PRKN: variants seen among roughly 807,000 people sequenced by gnomAD.
PRKN encodes E3 ubiquitin-protein ligase parkin.
In PRKN, 56 loss-of-function variants were observed where a neutral mutation model predicts 59.5. That is an observed-to-expected ratio of 0.94 (90% CI 0.76 to 1.18). The LOEUF (loss-of-function observed/expected upper bound fraction) is 1.18. Ranked by LOEUF, PRKN falls within the 50% of genes most tolerant of loss-of-function variation. The pLI is 0.00. For missense variants in PRKN, 657 were observed against 596.4 expected (o/e 1.10, Z -1.06); for synonymous variants, 250 against 222.1 (o/e 1.13, Z -1.12).
chr6:161,674,536 A>C (rs2128170127), intron 7 of PRKN, among the ~76,000 whole-genome samples: 1 of 152,286 alleles, frequency 6.6e-6, no homozygotes, highest in East Asian at 1.9e-4. Flanking sequence ...TACAATTGAC[A>C]GCATCTTAGA....
At chr6:162,566,457 C>T (rs1349713890) in intron 1 of PRKN, among the ~76,000 whole-genome samples, 1 of 151,978 alleles carries the variant, frequency 6.6e-6, no homozygotes. Context: ...AACATTGCAA[C>T]TGATACTGCA....
chr6:162,362,336 G>C (rs1477519336), intron 2 of PRKN, among the ~76,000 whole-genome samples: 1 of 152,026 alleles, frequency 6.6e-6, no homozygotes, highest in Non-Finnish European at 1.5e-5. Flanking sequence ...TTAGAATTTA[G>C]CTATTTGGAA....
intron 9 of PRKN, among the ~76,000 whole-genome samples, chr6:161,542,853 T>C (rs1319480539): frequency 6.6e-6 from 1 of 152,132 alleles, no homozygotes; most frequent in Non-Finnish European, 1.5e-5. Context: ...GATGTCTCCC[T>C]GAAAACATCA....
chr6:161,510,456 T>G (rs1187147957), intron 9 of PRKN, among the ~76,000 whole-genome samples: 2 of 152,180 alleles, frequency 1.3e-5, no homozygotes, highest in Admixed American at 6.5e-5. Context: ...CACATCAAGT[T>G]GTTGTTTCCA....
At chr6:162,586,954 A>G (rs1781085686) in intron 1 of PRKN, among the ~76,000 whole-genome samples, 1 of 152,212 alleles carries the variant, frequency 6.6e-6, no homozygotes, top group Non-Finnish European at 1.5e-5. Context: ...CAATGCAGGC[A>G]TCAGTGCTCT....
At chr6:162,331,343 C>T (rs1322539845) in intron 2 of PRKN, among the ~76,000 whole-genome samples, 3 of 152,138 alleles carry the variant, frequency 2.0e-5, no homozygotes, top group African/African-American at 7.2e-5. Flanking sequence ...CAATCCTAAA[C>T]AGTGGGTTTA....
chr6:162,388,019 A>C (rs574030799), intron 2 of PRKN, among the ~76,000 whole-genome samples: 1 of 152,314 alleles, frequency 6.6e-6, no homozygotes, highest in African/African-American at 2.4e-5. Flanking sequence ...AGAGCCAACA[A>C]CACAAAAATA....
In PRKN at chr6:161,359,318, C is replaced by A. The variant is rs1273680728; in HGVS notation, c.1285+770G>T. Among the ~76,000 whole-genome samples the A allele has an allele frequency of 6.6e-6, 1 of 152,226 alleles. No individual in the cohort carries two copies. Among genetic ancestry groups the A allele is most frequent in the Non-Finnish European group, 1.5e-5 (1 of 68,040 alleles). ...AATGAAAACTTCCTGAAGGACATAA[C>A]TGAAAAGAGAGAGGCTTGAGTGCCC... On this transcript the variant is annotated intron_variant, in intron 11 of 11. Coordinates refer to ENST00000366898, the MANE Select transcript of PRKN (RefSeq NM_004562.3). The surrounding 1 kb of genome is among the most constrained non-coding windows in gnomAD (Gnocchi z 5.4).
chr6:162,224,563 G>A (rs1213486722), intron 3 of PRKN, among the ~76,000 whole-genome samples: 1 of 152,188 alleles, frequency 6.6e-6, no homozygotes, highest in East Asian at 1.9e-4. Flanking sequence ...GGAAGGACAA[G>A]TTGGAGAAAA....
chr6:162,104,912 A>G (rs1351423213), intron 4 of PRKN, among the ~76,000 whole-genome samples: 2 of 152,160 alleles, frequency 1.3e-5, no homozygotes, highest in African/African-American at 4.8e-5. Context: ...AAAAATAAGG[A>G]TATTTTCCTG....
Position 161,356,373 on chromosome 6 carries a change from C to T in PRKN, c.1285+3715G>A, listed in dbSNP as rs1562390910. On this transcript the variant is annotated intron_variant, in intron 11 of 11. Coordinates refer to ENST00000366898, the MANE Select transcript of PRKN (RefSeq NM_004562.3). This position sits in a 1 kb window ranked among gnomAD's most constrained non-coding sequence, Gnocchi z 7.8. ...GCCATGGGCAGTGACGACACAGAAG[C>T]GTCCTGGGGAGAGGAGCGGGACTGT... 6.6e-6 allele frequency among the ~76,000 whole-genome samples: 1 copy of T among 152,168 alleles called. No homozygotes were observed. The highest frequency in any genetic ancestry group is 6.5e-5 in the Admixed American group (1 of 15,280).
At chr6:162,418,942 C>T (rs977335749) in intron 2 of PRKN, among the ~76,000 whole-genome samples, 1 of 151,712 alleles carries the variant, frequency 6.6e-6, no homozygotes. Context: ...CCCAGTCCCA[C>T]CCCCCAACCC....
chr6:162,003,691 C>T (rs1432036814), intron 5 of PRKN, among the ~76,000 whole-genome samples: 1 of 152,160 alleles, frequency 6.6e-6, no homozygotes, highest in Non-Finnish European at 1.5e-5. Flanking sequence ...CTTGTTTATG[C>T]ATTGACCTGT....
chr6:162,531,000 T>C (rs1479504453), intron 1 of PRKN, among the ~76,000 whole-genome samples: 2 of 127,768 alleles, frequency 1.6e-5, no homozygotes. Context: ...GAGATTGCAG[T>C]AAACCAAGAT....
chr6:162,267,588 C>A (rs1344775919), intron 2 of PRKN, among the ~76,000 whole-genome samples: 3 of 152,124 alleles, frequency 2.0e-5, no homozygotes, highest in Non-Finnish European at 4.4e-5. Flanking sequence ...TAATACAATT[C>A]TTTCTTTTTT....
intron 1 of PRKN, among the ~76,000 whole-genome samples, chr6:162,663,942 G>A (rs557185326): frequency 1.3e-5 from 2 of 151,876 alleles, no homozygotes; most frequent in South Asian, 4.2e-4. Context: ...AAGGTGGGGG[G>A]ATATGTGTGC....
intron 2 of PRKN, among the ~76,000 whole-genome samples, chr6:162,348,154 C>T (rs1180840887): frequency 6.6e-6 from 1 of 152,164 alleles, no homozygotes; most frequent in Non-Finnish European, 1.5e-5. Flanking sequence ...AGGAACAGTG[C>T]CTCTTATACC....
chr6:162,346,204 C>A (rs1221006423), intron 2 of PRKN, among the ~76,000 whole-genome samples: 1 of 152,132 alleles, frequency 6.6e-6, no homozygotes, highest in Non-Finnish European at 1.5e-5. Flanking sequence ...TAGCCATATT[C>A]CTTTCAGTGG....
At chr6:161,850,544 C>T (rs931052279) in intron 6 of PRKN, among the ~76,000 whole-genome samples, 3 of 134,962 alleles carry the variant, frequency 2.2e-5, no homozygotes, top group South Asian at 2.4e-4. Context: ...CCACTGCACT[C>T]CAGCCTGGTG....
Sources: allele counts gnomAD v4.1 joint callset (sites outside exome capture counted in the v4.1 genomes callset), GRCh38; gene constraint gnomAD v4.1.1; non-coding constraint Gnocchi (gnomAD v3.1); transcripts MANE v1.5; gene names NCBI Gene and HGNC (gene_info 2026-07-23, HGNC 2026-07-21).